The following GALK2 variants were observed in gnomAD, a reference collection of about 807,000 sequenced individuals.
The protein encoded by GALK2 is N-acetylgalactosamine kinase.
In GALK2, 36 loss-of-function variants were observed where a neutral mutation model predicts 52.4. The observed-to-expected ratio is 0.69, with a 90% CI of 0.53 to 0.91. The LOEUF (loss-of-function observed/expected upper bound fraction) is 0.91. Among genes scored for constraint, GALK2 ranks in the 40% least tolerant of loss-of-function variants. The probability of loss-of-function intolerance (pLI) is 0.00; values close to 1 mark genes in which losing one functional copy is unlikely to be tolerated. For synonymous variants in GALK2, 176 were observed against 199.1 expected, an observed-to-expected ratio of 0.88 and a Z score of 0.98; for missense variants, 579 against 559.1, an observed-to-expected ratio of 1.04 and a Z score of -0.36.
chr15:49,170,070 C>T (rs1436423095), upstream of GALK2: 1 of 712,680 alleles, frequency 1.4e-6, no homozygotes, highest in Non-Finnish European at 2.1e-6. Flanking sequence ...CTAGTCCCTC[C>T]CTGGGAGCTA....
chr15:49,306,195 T>C (rs2035531661), intron 8 of GALK2, among the ~76,000 whole-genome samples: 1 of 151,540 alleles, frequency 6.6e-6, no homozygotes, highest in Non-Finnish European at 1.5e-5. Context: ...AAAAGCAAAC[T>C]CCGGACAACA....
chr15:49,323,580 C>T lies in GALK2; in HGVS notation c.1169+3775C>T, dbSNP rs374078281. ...ACAACTAATTGAGTGAGTAAATTAA[C>T]GGCTTGAATACCTAGAATACCTAAG... On this transcript the variant is annotated intron_variant, in intron 9 of 9. Coordinates refer to ENST00000560031, the MANE Select transcript of GALK2 (RefSeq NM_002044.4). Among the ~76,000 whole-genome samples, 18 of 152,256 alleles carry T rather than the reference C, an allele frequency of 1.2e-4. No homozygotes were observed. In the East Asian group the frequency reaches 2.7e-3, roughly 23 times the overall value.
chr15:49,204,833 C>A (rs1377115048), intron 2 of GALK2, among the ~76,000 whole-genome samples: 1 of 152,118 alleles, frequency 6.6e-6, no homozygotes, highest in East Asian at 1.9e-4. Flanking sequence ...TATTTGTAGT[C>A]TTCTATCCCG....
chr15:49,199,199 T>C (rs918301622), intron 1 of GALK2: 2 of 152,204 alleles, frequency 1.3e-5, no homozygotes, highest in Admixed American at 6.5e-5. Flanking sequence ...TCCGGCTTTT[T>C]TGCTTAATTT....
At chr15:49,346,573 T>C (rs1245780929) in intron 3 of GALK2, among the ~76,000 whole-genome samples, 3 of 152,188 alleles carry the variant, frequency 2.0e-5, no homozygotes, top group Non-Finnish European at 4.4e-5. Context: ...ATTGATTCAC[T>C]GTGCATGGGC....
intron 2 of GALK2, among the ~76,000 whole-genome samples, chr15:49,205,015 G>T (rs2088149551): frequency 6.6e-6 from 1 of 152,158 alleles, no homozygotes; most frequent in African/African-American, 2.4e-5. Flanking sequence ...CCAGGTCACT[G>T]CAAATACTGT....
At chr15:49,244,500 A>G (rs1203190278) in intron 5 of GALK2, among the ~76,000 whole-genome samples, 1 of 152,230 alleles carries the variant, frequency 6.6e-6, no homozygotes, top group East Asian at 1.9e-4. Context: ...AGATAAAGGC[A>G]GTTGATAAAT....
At chr15:49,321,542 G>A (rs2036873636) in intron 9 of GALK2, among the ~76,000 whole-genome samples, 1 of 152,196 alleles carries the variant, frequency 6.6e-6, no homozygotes, top group Admixed American at 6.5e-5. Context: ...AACTTTCCTT[G>A]TGCCTCTAAA....
chr15:49,306,853 C>T (rs982452574), intron 8 of GALK2, among the ~76,000 whole-genome samples: 3 of 152,126 alleles, frequency 2.0e-5, no homozygotes, highest in Admixed American at 6.6e-5. Context: ...AAAAATGTGG[C>T]TCATCCAGGG....
At chr15:49,290,811 G>A (rs1030146438) in intron 7 of GALK2, among the ~76,000 whole-genome samples, 1 of 152,188 alleles carries the variant, frequency 6.6e-6, no homozygotes, top group African/African-American at 2.4e-5. Context: ...GACTTGATCG[G>A]TGATTTTAAT....
intron 5 of GALK2, among the ~76,000 whole-genome samples, chr15:49,243,009 C>T (rs1347250361): frequency 6.6e-6 from 1 of 152,152 alleles, no homozygotes; most frequent in Non-Finnish European, 1.5e-5. Flanking sequence ...TGTTACATGA[C>T]TTAGGCGAAT....
chr15:49,262,359 G>T (rs995696992), intron 5 of GALK2, among the ~76,000 whole-genome samples: 1 of 152,172 alleles, frequency 6.6e-6, no homozygotes. Context: ...TTTGCATAGA[G>T]GTGTTTGTAG....
rs368668537 is a variant in GALK2 at position 49,303,409 on chromosome 15, G to A, written c.967+10872G>A. ...TTGTGTGTTGGTCAGCTTCTCAGCCGCTGGTAGGTAGGTCAGTACTCACAG... is the reference window on the plus strand; with the variant it reads ...TTGTGTGTTGGTCAGCTTCTCAGCCACTGGTAGGTAGGTCAGTACTCACAG... On this transcript the variant is annotated intron_variant, in intron 8 of 9. Coordinates refer to ENST00000560031, the MANE Select transcript of GALK2 (RefSeq NM_002044.4). 3.1e-4 allele frequency among the ~76,000 whole-genome samples: 47 copies of A among 152,270 alleles called. 2 individuals carry two copies. The South Asian group carries it at 7.9e-3, about 26-fold the overall frequency.
intron 5 of GALK2, among the ~76,000 whole-genome samples, chr15:49,246,871 T>A (rs1258450828): frequency 6.6e-6 from 1 of 152,210 alleles, no homozygotes; most frequent in Admixed American, 6.5e-5. Flanking sequence ...ATACCTACTA[T>A]ATGCCATGCG....
intron 2 of GALK2, among the ~76,000 whole-genome samples, chr15:49,216,241 T>G (rs1475014009): frequency 2.0e-5 from 3 of 152,146 alleles, no homozygotes; most frequent in African/African-American, 7.2e-5. Context: ...CCAAGGGATC[T>G]TTAGTGAGCA....
At chr15:49,178,262 A>G (rs1456046628) in intron 1 of GALK2, 1 of 142,070 alleles carries the variant, frequency 7.0e-6, no homozygotes, top group African/African-American at 2.6e-5. Context: ...ATATGTATAA[A>G]TAAAAATATA....
chr15:49,221,774 G>C (rs942159782), intron 3 of GALK2, among the ~76,000 whole-genome samples: 2 of 151,874 alleles, frequency 1.3e-5, no homozygotes, highest in African/African-American at 4.8e-5. Context: ...TGTCTGTTTT[G>C]ATACCAATAC....
In GALK2 at chr15:49,329,688, C is replaced by A. The variant is rs1263498043; in HGVS notation, c.*1529C>A. ...AAAAGAATTTTGAGTTCTATAAATC[C>A]AAAAATCTGAAACCTGAATTTATTT... On this transcript the variant is annotated 3_prime_UTR_variant, in exon 10 of 10. Coordinates refer to ENST00000560031, the MANE Select transcript of GALK2 (RefSeq NM_002044.4). 2 of 977,596 alleles carry A rather than the reference C, an allele frequency of 2.0e-6. No individual in the cohort carries two copies. The highest frequency in any genetic ancestry group is 2.4e-6 in the Non-Finnish European group (2 of 823,480). The allele number at this position is 977,596 out of a possible 1,614,324, so 60.6% of individuals were successfully genotyped here.
chr15:49,349,098 G>A (rs2041908499), intron 3 of GALK2, among the ~76,000 whole-genome samples: 1 of 152,178 alleles, frequency 6.6e-6, no homozygotes, highest in Non-Finnish European at 1.5e-5. Context: ...TTAATAACAA[G>A]TTGGTGAATT....
Sources: gnomAD v4.1 joint callset for allele counts (sites outside exome capture counted in the v4.1 genomes callset) on GRCh38, gnomAD v4.1.1 for gene constraint, MANE v1.5 for transcripts, NCBI Gene and HGNC (gene_info 2026-07-23, HGNC 2026-07-21) for gene names.